The following ZNF148 variants were observed in gnomAD, a reference collection of about 807,000 sequenced individuals.
The protein encoded by ZNF148 is zinc finger protein 148.
A neutral mutation model predicts 67.7 loss-of-function variants in ZNF148; 7 were observed. The ratio of observed to expected loss-of-function variants is 0.10; its 90% CI spans 0.06 to 0.19. ZNF148 has a LOEUF of 0.19. Among genes scored for constraint, ZNF148 ranks in the 10% least tolerant of loss-of-function variants. The pLI is 1.00. For synonymous variants in ZNF148, 333 were observed against 330.7 expected, an observed-to-expected ratio of 1.01 and a Z score of -0.08; for missense variants, 583 against 947.1, an observed-to-expected ratio of 0.62 and a Z score of 5.05.
intron 1 of ZNF148, among the ~76,000 whole-genome samples, chr3:125,346,738 T>C (rs1941958636): frequency 6.6e-6 from 1 of 152,174 alleles, no homozygotes; most frequent in Admixed American, 6.5e-5. Context: ...TCTGCCATAT[T>C]TGTAAGTTTC....
At position 125,231,840 on chromosome 3, in the gene ZNF148, G is replaced by A. The variant is rs533054768; in HGVS notation, c.*501C>T. The A allele has an allele frequency of 6.6e-6, 1 of 152,116 alleles. No homozygotes were observed. Among genetic ancestry groups the A allele is most frequent in the South Asian group, 2.1e-4 (1 of 4,814 alleles). The allele number at this position is 152,116 out of a possible 1,614,324, so 9.4% of individuals were successfully genotyped here. A position where few individuals can be genotyped will look rare whatever the true frequency, so the allele number is the denominator to read the frequency against. On this transcript the variant is annotated 3_prime_UTR_variant, in exon 9 of 9. Coordinates refer to ENST00000360647, the MANE Select transcript of ZNF148 (RefSeq NM_021964.3). ...CATTCTTTTTAAAAGGTGGTTTCTT[G>A]GTTTTTTTCCCCCTATAGGACACAC...
chr3:125,285,555 A>T (rs1362663934), intron 5 of ZNF148, among the ~76,000 whole-genome samples: 2 of 148,742 alleles, frequency 1.3e-5, no homozygotes, highest in East Asian at 2.0e-4. Flanking sequence ...TTCTTTATTT[A>T]AAAAAAAAAA....
At chr3:125,348,480 C>CAAA (rs35810148) in intron 1 of ZNF148, among the ~76,000 whole-genome samples, 29 of 60,582 alleles carry the variant, frequency 4.8e-4, no homozygotes, top group East Asian at 1.1e-3. Flanking sequence ...GACCCTGTCT[C>CAAA]AAAAAAAAAA....
chr3:125,281,978 A>G (rs1032163787), intron 5 of ZNF148, among the ~76,000 whole-genome samples: 10 of 152,216 alleles, frequency 6.6e-5, no homozygotes, highest in Admixed American at 5.9e-4. Flanking sequence ...TCAAAATGGT[A>G]TCTGGAGCAT....
chr3:125,337,899 T>C (rs1212398074), intron 1 of ZNF148, among the ~76,000 whole-genome samples: 1 of 151,644 alleles, frequency 6.6e-6, no homozygotes, highest in Non-Finnish European at 1.5e-5. Flanking sequence ...CCCAGGAGTT[T>C]GAGACCAGCC....
rs1050034285 is a variant in ZNF148 at position 125,259,114 on chromosome 3, G to A, written c.667+18612C>T. Among the ~76,000 whole-genome samples, 13 of 151,834 alleles carry A rather than the reference G, an allele frequency of 8.6e-5. 1 individual carries two copies. Among genetic ancestry groups the A allele is most frequent in the Non-Finnish European group, 1.5e-5 (1 of 67,940 alleles). On this transcript the variant is annotated intron_variant, in intron 7 of 8. Transcript: ENST00000360647. ...CATCAATTTGAAAAACAATCTATGG[G>A]AAAAAAATTGCAAATCACATATCCA... is the stretch of plus-strand genomic sequence containing the variant.
intron 7 of ZNF148, among the ~76,000 whole-genome samples, chr3:125,274,988 T>A (rs548187231): frequency 3.9e-5 from 6 of 152,270 alleles, no homozygotes; most frequent in African/African-American, 1.4e-4. Flanking sequence ...AAAAGTCACT[T>A]AGAAAATGAA....
At chr3:125,339,696 G>C (rs1227684722) in intron 1 of ZNF148, among the ~76,000 whole-genome samples, 2 of 152,078 alleles carry the variant, frequency 1.3e-5, no homozygotes, top group South Asian at 2.1e-4. Context: ...GTAATACAAA[G>C]GATAAATACT....
intron 1 of ZNF148, among the ~76,000 whole-genome samples, chr3:125,358,757 T>C (rs1942446542): frequency 1.3e-5 from 2 of 152,202 alleles, no homozygotes; most frequent in Admixed American, 6.5e-5. Flanking sequence ...CACATACAGG[T>C]GTGTACATAT....
At chr3:125,247,670 C>T (rs1936661037) in intron 7 of ZNF148, among the ~76,000 whole-genome samples, 1 of 152,150 alleles carries the variant, frequency 6.6e-6, no homozygotes, top group African/African-American at 2.4e-5. Context: ...AACTCCTGAC[C>T]TCAGGTGATC....
At chr3:125,332,878 T>A (rs1401583141) in intron 1 of ZNF148, among the ~76,000 whole-genome samples, 1 of 152,220 alleles carries the variant, frequency 6.6e-6, no homozygotes, top group Non-Finnish European at 1.5e-5. Context: ...TGTTCACTAT[T>A]CTATTAGAAT....
At chr3:125,258,219 G>A (rs560559971) in intron 7 of ZNF148, among the ~76,000 whole-genome samples, 128 of 151,880 alleles carry the variant, frequency 8.4e-4, no homozygotes, top group African/African-American at 3.0e-3. Context: ...TCAGGAGATC[G>A]AAACCATCCT....
At chr3:125,364,931 A>G (rs1265924280) in intron 1 of ZNF148, among the ~76,000 whole-genome samples, 2 of 152,164 alleles carry the variant, frequency 1.3e-5, no homozygotes, top group African/African-American at 4.8e-5. Flanking sequence ...ACCAACCCCT[A>G]AACATGTCCT....
chr3:125,298,355 A>ACACACACG (rs1378173159), intron 4 of ZNF148, among the ~76,000 whole-genome samples: 2 of 151,698 alleles, frequency 1.3e-5, no homozygotes, highest in Non-Finnish European at 2.9e-5. Flanking sequence ...ATACACACAC[A>ACACACACG]CACACACACA....
intron 7 of ZNF148, among the ~76,000 whole-genome samples, chr3:125,259,076 GA>G (rs1937222332): frequency 6.6e-6 from 1 of 151,690 alleles, no homozygotes; most frequent in South Asian, 2.1e-4. Context: ...GGCCTTTTGA[GA>G]AAAAAATACT....
rs867152145 is a variant in ZNF148, at chr3:125,252,155, A to G, written c.668-17826T>C. ...CTAGCTTGTCCTTTAACAGATTTGTAGAAATTCTGTACATATTCATCAGGC... is the reference window on the plus strand; with the variant it reads ...CTAGCTTGTCCTTTAACAGATTTGTGGAAATTCTGTACATATTCATCAGGC... On this transcript the variant is annotated intron_variant, in intron 7 of 8. Transcript: ENST00000360647. Among the ~76,000 whole-genome samples, 4 of 152,188 alleles carry G rather than the reference A, an allele frequency of 2.6e-5. No homozygotes were observed. The South Asian group carries it at 8.3e-4, about 32-fold the overall frequency.
In ZNF148 at chr3:125,344,499, G is replaced by GA. The variant is rs1941863197; in HGVS notation, c.-233-13262dup. 13 of 1,151,322 alleles carry GA rather than the reference G, an allele frequency of 1.1e-5. No homozygotes were observed. The Admixed American group carries it at 2.2e-4, about 20-fold the overall frequency. 71.3% of individuals were successfully genotyped at this position (1,151,322 alleles called of 1,614,324 possible). ...CCTTCCACCAAAAAAATTCCCTGAA[G>GA]ACATCATCTGGGTTACAAAATGTGA... is the stretch of plus-strand genomic sequence containing the variant. On this transcript the variant is annotated intron_variant, in intron 1 of 8. Transcript: ENST00000360647.
At chr3:125,250,356 C>T (rs1936784891) in intron 7 of ZNF148, among the ~76,000 whole-genome samples, 1 of 152,160 alleles carries the variant, frequency 6.6e-6, no homozygotes, top group African/African-American at 2.4e-5. Flanking sequence ...TTGCCCAGGT[C>T]ATGATGCTAA....
At chr3:125,295,181 C>T (rs1374853260) in intron 4 of ZNF148, among the ~76,000 whole-genome samples, 1 of 152,056 alleles carries the variant, frequency 6.6e-6, no homozygotes, top group Non-Finnish European at 1.5e-5. Context: ...ATTGGCCAGG[C>T]ACAGAGGCTC....
Sources: gnomAD v4.1 joint callset for allele counts (sites outside exome capture counted in the v4.1 genomes callset) on GRCh38, gnomAD v4.1.1 for gene constraint, MANE v1.5 for transcripts, NCBI Gene and HGNC (gene_info 2026-07-23, HGNC 2026-07-21) for gene names.